The following AOAH variants were observed in gnomAD, a reference collection of about 807,000 sequenced individuals.
The protein encoded by AOAH is acyloxyacyl hydrolase, also known as acyloxyacyl hydrolase (neutrophil).
In AOAH, 64 loss-of-function variants were observed where a neutral mutation model predicts 92.2. The ratio of observed to expected loss-of-function variants is 0.69; its 90% CI spans 0.57 to 0.86. The LOEUF (loss-of-function observed/expected upper bound fraction) is 0.86, where lower values mean the gene tolerates loss of function less well. Ranked by LOEUF, AOAH falls within the 40% of genes least tolerant of loss-of-function variation. AOAH has a pLI of 0.00. For synonymous variants in AOAH, 263 were observed against 254.5 expected, an observed-to-expected ratio of 1.03 and a Z score of -0.32; for missense variants, 656 against 694.6, an observed-to-expected ratio of 0.94 and a Z score of 0.62.
intron 11 of AOAH, among the ~76,000 whole-genome samples, chr7:36,606,276 T>C (rs1347592451): frequency 6.6e-6 from 1 of 152,138 alleles, no homozygotes; most frequent in Non-Finnish European, 1.5e-5. Context: ...TGTGGGTTAA[T>C]AAAGAGTAGC....
intron 2 of AOAH, among the ~76,000 whole-genome samples, chr7:36,681,683 C>G (rs895725204): frequency 3.9e-4 from 60 of 152,230 alleles, no homozygotes; most frequent in African/African-American, 1.4e-3. Context: ...TGGGTATAAT[C>G]CCAGCTACTC....
At position 36,652,198 on chromosome 7, in the gene AOAH, A is replaced by C. The variant is rs190412451; in HGVS notation, c.390+6968T>G. On this transcript the variant is annotated intron_variant, in intron 4 of 20. Coordinates refer to ENST00000617537, the MANE Select transcript of AOAH (RefSeq NM_001637.4). ...CCAGAACATAAAGTAGTATGGAACAAAAAAAAAATAGGACAGAGGCATGTC... is the reference window on the plus strand; with the variant it reads ...CCAGAACATAAAGTAGTATGGAACACAAAAAAAATAGGACAGAGGCATGTC... 2.0e-4 allele frequency among the ~76,000 whole-genome samples: 30 copies of C among 151,146 alleles called. No homozygotes were observed. In the East Asian group the frequency reaches 5.6e-3, roughly 28 times the overall value.
At chr7:36,694,474 G>A (rs1797588416) in intron 1 of AOAH, among the ~76,000 whole-genome samples, 2 of 152,208 alleles carry the variant, frequency 1.3e-5, no homozygotes, top group South Asian at 4.1e-4. Context: ...TGGGTGACAA[G>A]AGCAAAACTC....
rs146644522 is a variant in AOAH at position 36,642,840 on chromosome 7, A to C, written c.391-4930T>G. On this transcript the variant is annotated intron_variant, in intron 4 of 20. Coordinates refer to ENST00000617537, the MANE Select transcript of AOAH (RefSeq NM_001637.4). Reference sequence around the variant, plus strand: ...TGGTCTCTATTGCTATTTCCTATTTAAAATGATTTTGGACCATAGAGTGTT... The same window carrying C: ...TGGTCTCTATTGCTATTTCCTATTTCAAATGATTTTGGACCATAGAGTGTT... 4.0e-3 allele frequency among the ~76,000 whole-genome samples: 605 copies of C among 152,348 alleles called. 3 individuals are homozygous for C. The highest frequency in any genetic ancestry group is 0.014 in the African/African-American group (578 of 41,578).
chr7:36,561,124 C>A (rs1341272529), intron 13 of AOAH, among the ~76,000 whole-genome samples: 2 of 151,262 alleles, frequency 1.3e-5, no homozygotes, highest in Non-Finnish European at 2.9e-5. Context: ...TCACTGCAAC[C>A]TCCACCTCCC....
intron 1 of AOAH, among the ~76,000 whole-genome samples, chr7:36,707,589 C>G (rs1798505698): frequency 6.6e-6 from 1 of 152,090 alleles, no homozygotes; most frequent in Non-Finnish European, 1.5e-5. Context: ...AAATGAAGCA[C>G]AATAAAAAGA....
intron 16 of AOAH, 90 bp from the exon 17 acceptor site, chr7:36,532,434 A>C (rs1254663559): frequency 4.2e-6 from 5 of 1,200,694 alleles, no homozygotes; most frequent in Non-Finnish European, 6.2e-6. Context: ...CCCTTGCAGA[A>C]AGTCACTATT....
intron 1 of AOAH, among the ~76,000 whole-genome samples, chr7:36,712,307 C>T (rs1325507333): frequency 6.6e-6 from 1 of 152,120 alleles, no homozygotes; most frequent in Non-Finnish European, 1.5e-5. Flanking sequence ...TAACCTGACA[C>T]TGAAGGCATT....
intron 1 of AOAH, among the ~76,000 whole-genome samples, chr7:36,697,029 ATTATTT>A (rs149219852): frequency 0.015 from 2,291 of 152,138 alleles, 46 homozygotes; most frequent in African/African-American, 0.052. Flanking sequence ...GCATGCCTTT[ATTATTT>A]TTCTTTTTTT....
In AOAH at chr7:36,525,225, G is replaced by T. The variant is rs1284141167; in HGVS notation, c.1523-3110C>A. On this transcript the variant is annotated intron_variant, in intron 19 of 20. Coordinates refer to ENST00000617537, the MANE Select transcript of AOAH (RefSeq NM_001637.4). ...TGAATCAAAGCCCATGCCTGAGATG[G>T]CTAATAAAAAGTCTAGAAAAGGATT... Among the ~76,000 whole-genome samples the T allele has an allele frequency of 2.0e-5, 3 of 152,154 alleles. No homozygotes were observed. The East Asian group carries it at 5.8e-4, about 29-fold the overall frequency.
intron 13 of AOAH, among the ~76,000 whole-genome samples, chr7:36,555,962 G>GT (rs1258810403): frequency 2.0e-5 from 3 of 151,932 alleles, no homozygotes; most frequent in Non-Finnish European, 4.4e-5. Context: ...TTTTTGAAGG[G>GT]TTTTTTGTGT....
intron 12 of AOAH, among the ~76,000 whole-genome samples, chr7:36,578,014 C>T (rs1487497306): frequency 6.6e-6 from 1 of 152,052 alleles, no homozygotes; most frequent in Non-Finnish European, 1.5e-5. Flanking sequence ...AATAGTATCC[C>T]TTTTTTGAAG....
At chr7:36,719,896 A>G (rs1467321151) in intron 1 of AOAH, among the ~76,000 whole-genome samples, 1 of 151,790 alleles carries the variant, frequency 6.6e-6, no homozygotes, top group Non-Finnish European at 1.5e-5. Flanking sequence ...TAATTGTACC[A>G]CTGCACTGTA....
chr7:36,645,155 C>T (rs1031675736), intron 4 of AOAH, among the ~76,000 whole-genome samples: 1 of 152,096 alleles, frequency 6.6e-6, no homozygotes, highest in Non-Finnish European at 1.5e-5. Context: ...TGGATTGAAA[C>T]CTGAATCTCC....
chr7:36,575,556 A>C (rs1788434486), intron 13 of AOAH, among the ~76,000 whole-genome samples: 1 of 152,212 alleles, frequency 6.6e-6, no homozygotes, highest in Admixed American at 6.5e-5. Context: ...GTACTGAAGA[A>C]ATTTAATAAT....
At chr7:36,610,116 TTTC>T (rs1374635573) in intron 11 of AOAH, among the ~76,000 whole-genome samples, 16 of 124,566 alleles carry the variant, frequency 1.3e-4, no homozygotes, top group African/African-American at 4.9e-4. Context: ...TTTTTCTTTT[TTTC>T]TTTTTTCTTT....
rs114476332 is a variant in AOAH at position 36,616,965 on chromosome 7, C to T, written c.752-491G>A. ...TAGATGATTCTGACTGATGGAGACA[C>T]GGAGATAGAAAGGTCTGTATGCAGC... On this transcript the variant is annotated intron_variant, in intron 10 of 20. Transcript: ENST00000617537. Among the ~76,000 whole-genome samples the T allele has an allele frequency of 2.9e-3, 445 of 152,282 alleles. 5 individuals carry two copies. Among genetic ancestry groups the T allele is most frequent in the African/African-American group, 9.8e-3 (408 of 41,560 alleles).
intron 3 of AOAH, among the ~76,000 whole-genome samples, chr7:36,661,879 C>T (rs994635725): frequency 6.6e-6 from 1 of 152,092 alleles, no homozygotes; most frequent in African/African-American, 2.4e-5. Context: ...GAATTTTACA[C>T]CTGGGCATGC....
At chr7:36,638,451 C>T (rs776765248) in intron 4 of AOAH, among the ~76,000 whole-genome samples, 11 of 152,194 alleles carry the variant, frequency 7.2e-5, no homozygotes, top group Non-Finnish European at 1.0e-4. Flanking sequence ...TGTCCTCTTT[C>T]AACCATTTTG....
Sources: gnomAD v4.1 joint callset for allele counts (sites outside exome capture counted in the v4.1 genomes callset) on GRCh38, gnomAD v4.1.1 for gene constraint, MANE v1.5 for transcripts, NCBI Gene and HGNC (gene_info 2026-07-23, HGNC 2026-07-21) for gene names.